The following UTP20 variants were observed in gnomAD, a reference collection of about 807,000 sequenced individuals.
UTP20 encodes the protein UTP20 small subunit processome component.
In UTP20, 164 loss-of-function variants were observed where a neutral mutation model predicts 329.5. The observed-to-expected ratio is 0.50, with a 90% CI of 0.44 to 0.57. UTP20 has a LOEUF of 0.57. Among genes scored for constraint, UTP20 ranks in the 20% least tolerant of loss-of-function variants. The pLI is 0.00. For missense variants in UTP20, 3,055 were observed against 3,284.2 expected, an observed-to-expected ratio of 0.93 and a Z score of 1.71; for synonymous variants, 1,151 against 1,159.3, an observed-to-expected ratio of 0.99 and a Z score of 0.14.
chr12:101,353,237 A>G (rs1215355413), intron 40 of UTP20, 108 bp downstream of exon 40: 1 of 633,508 alleles, frequency 1.6e-6, no homozygotes, highest in Non-Finnish European at 2.6e-6. Flanking sequence ...GTCTGCTCTT[A>G]CTAGCAATGG....
At chr12:101,375,001 C>A in intron 55 of UTP20, 62 bp downstream of exon 55, 1 of 1,227,758 alleles carries the variant, frequency 8.1e-7, no homozygotes, top group Non-Finnish European at 1.2e-6. Context: ...GGTGATGTAG[C>A]TAACAGATTA....
chr12:101,305,258 A>T (rs1284436446), intron 15 of UTP20, among the ~76,000 whole-genome samples: 1 of 151,980 alleles, frequency 6.6e-6, no homozygotes, highest in Non-Finnish European at 1.5e-5. Context: ...CCCTACTAGA[A>T]TATAAGTTCC....
intron 57 of UTP20, among the ~76,000 whole-genome samples, chr12:101,380,429 A>G (rs1293497211): frequency 1.3e-5 from 2 of 152,094 alleles, no homozygotes; most frequent in African/African-American, 4.8e-5. Context: ...GGACCATGAT[A>G]TATGTGTCTC....
rs755292222 is a variant in UTP20 at position 101,286,329 on chromosome 12, T to C, written c.335T>C (p.Val112Ala). The C allele has an allele frequency of 5.0e-6, 8 of 1,605,250 alleles. No homozygotes were observed. In the Admixed American group the frequency reaches 1.4e-4, roughly 27 times the overall value. ...FAYQPLLDLV[V>A]QLARDLQMDF... is the part of the protein sequence containing the mutation. Reference sequence around the variant, plus strand: ...TTCTTTTTTTAATCCAGTTTGGTTGTACAGTTGGCACGAGATCTGCAGATG... The same window carrying C: ...TTCTTTTTTTAATCCAGTTTGGTTGCACAGTTGGCACGAGATCTGCAGATG... The change falls in exon 5 of 62, where the codon GTA (valine) becomes GCA (alanine). Residue 112 changes from valine (V) to alanine (A), a missense_variant. By Grantham distance (64) the Val-to-Ala change is moderately conservative (BLOSUM62 0). Transcript: ENST00000261637.
chr12:101,362,269 T>C (rs1565804865), intron 44 of UTP20, among the ~76,000 whole-genome samples: 2 of 152,204 alleles, frequency 1.3e-5, no homozygotes, highest in African/African-American at 4.8e-5. Flanking sequence ...GATATGATCT[T>C]TCCGGAAAGT....
intron 6 of UTP20, 66 bp from the exon 7 acceptor site, chr12:101,290,069 TGA>T: frequency 1.6e-6 from 2 of 1,217,724 alleles, no homozygotes; most frequent in Non-Finnish European, 2.3e-6. Flanking sequence ...GAATAGCAAA[TGA>T]GAGTTCTTCA....
Position 101,342,557 on chromosome 12 carries a change from T to C in UTP20, c.4213T>C (p.Leu1405=). Residue 1405 remains leucine, a synonymous_variant, in exon 33 of 62, where the codon TTG becomes CTG. Transcript: ENST00000261637. The stretch of plus-strand genomic sequence containing the variant: ...ACTTTTCTCAGTTATTAAGAACAAA[T>C]TGTCAAGAAAATTGCTTTGTACGGT... ...AKLFSVIKNK[L]SRKLLCTVFE... 2 of 1,613,390 alleles carry C rather than the reference T, an allele frequency of 1.2e-6. No homozygotes were observed. Among genetic ancestry groups the C allele is most frequent in the African/African-American group, 1.3e-5 (1 of 74,994 alleles).
At position 101,338,156 on chromosome 12, in the gene UTP20, C is replaced by A; in HGVS notation, c.3747C>A (p.Ala1249=). 1 of 1,614,130 alleles carries A rather than the reference C, an allele frequency of 6.2e-7. No individual in the cohort carries two copies. The highest frequency in any genetic ancestry group is 8.5e-7 in the Non-Finnish European group (1 of 1,180,018). ...LSAKNLSDAT[A]SIVMDIVDDL... is the part of the protein sequence containing the mutation. ...CGAAGAATCTTTCTGATGCCACAGC[C>A]AGTATTGTAATGGACATAGTTGATG... Residue 1249 remains alanine, a synonymous_variant, in exon 30 of 62, where the codon GCC becomes GCA. Coordinates refer to ENST00000261637, the MANE Select transcript of UTP20 (RefSeq NM_014503.3).
chr12:101,291,661 A>G (rs1872159274), intron 8 of UTP20, 81 bp from the exon 9 acceptor site: 15 of 1,388,150 alleles, frequency 1.1e-5, no homozygotes, highest in Admixed American at 2.8e-5. Flanking sequence ...GGAAAAGTTG[A>G]ACTGTCCCAC....
intron 54 of UTP20, 61 bp from the exon 55 acceptor site, chr12:101,374,747 A>G: frequency 1.3e-6 from 1 of 792,600 alleles, no homozygotes; most frequent in Non-Finnish European, 2.2e-6. Flanking sequence ...CCTTTATTTT[A>G]CAGTTTCAGT....
Position 101,291,802 on chromosome 12 carries a change from C to T in UTP20, c.952C>T (p.Gln318Ter). The T allele has an allele frequency of 6.2e-7, 1 of 1,612,844 alleles. No homozygotes were observed. The highest frequency in any genetic ancestry group is 8.5e-7 in the Non-Finnish European group (1 of 1,179,592). Residue 318 changes from glutamine to a stop codon, truncating the protein, a stop_gained, in exon 9 of 62, where the codon CAG becomes TAG. Coordinates refer to ENST00000261637, the MANE Select transcript of UTP20 (RefSeq NM_014503.3). LOFTEE classifies it high-confidence loss of function. ...AACTAACTGTTGTGAAAGTTCTGAA[C>T]AGATTAAAAGGTTGTTGGAAACATA... Reference protein sequence around the residue: ...TKTNCCESSEQIKRLLETYLI... With the variant: ...TKTNCCESSE
intron 56 of UTP20, among the ~76,000 whole-genome samples, chr12:101,376,246 T>C (rs1870467198): frequency 6.6e-6 from 1 of 152,228 alleles, no homozygotes; most frequent in Non-Finnish European, 1.5e-5. Flanking sequence ...ATAAGACACC[T>C]AGTAGATATC....
chr12:101,366,777 C>T, intron 47 of UTP20, 78 bp downstream of exon 47: 1 of 1,494,738 alleles, frequency 6.7e-7, no homozygotes, highest in South Asian at 1.3e-5. Flanking sequence ...ATTTCTAGTA[C>T]TGCTCACTTC....
At chr12:101,349,158 T>C (rs1443002396) in intron 38 of UTP20, among the ~76,000 whole-genome samples, 1 of 152,124 alleles carries the variant, frequency 6.6e-6, no homozygotes, top group Non-Finnish European at 1.5e-5. Flanking sequence ...TGGGGTTTTT[T>C]GTTTTTGTTT....
Position 101,344,744 on chromosome 12 carries a change from G to C in UTP20, c.4599G>C (p.Gln1533His), listed in dbSNP as rs754118365. The C allele has an allele frequency of 6.2e-7, 1 of 1,613,578 alleles. No homozygotes were observed. Among genetic ancestry groups the C allele is most frequent in the Non-Finnish European group, 8.5e-7 (1 of 1,179,758 alleles). Reference sequence around the variant, plus strand: ...AATTGAGAAAAGGTCTGAAGAGCCAGACAGAGGTATATAACTTTGTGTTTT... The same window carrying C: ...AATTGAGAAAAGGTCTGAAGAGCCACACAGAGGTATATAACTTTGTGTTTT... ...LEKLRKGLKS[Q>H]TESIQQDYTT... The change falls in exon 36 of 62, where the codon CAG becomes CAC. Residue 1533 changes from glutamine to histidine, a missense_variant. Gln to His is a conservative substitution (Grantham distance 24). This residue lies in a region of UTP20 where 2,445 missense variants were observed against 2,575.5 expected (regional missense o/e 0.95). Transcript: ENST00000261637.
At chr12:101,377,545 T>C (rs1401834919) in intron 56 of UTP20, among the ~76,000 whole-genome samples, 2 of 152,020 alleles carry the variant, frequency 1.3e-5, no homozygotes, top group African/African-American at 4.8e-5. Context: ...TTGGCCAGGA[T>C]GGTCTCCATC....
chr12:101,354,846 A>T lies in UTP20; in HGVS notation c.5122A>T (p.Ile1708Phe). The T allele has an allele frequency of 6.2e-7, 1 of 1,613,342 alleles. No homozygotes were observed. The highest frequency in any genetic ancestry group is 8.5e-7 in the Non-Finnish European group (1 of 1,179,656). The change falls in exon 41 of 62, where the codon ATT becomes TTT. Residue 1708 changes from isoleucine to phenylalanine, a missense_variant. By Grantham distance (21) the Ile-to-Phe change is conservative. This residue lies in a region of UTP20 where 2,445 missense variants were observed against 2,575.5 expected (regional missense o/e 0.95). Coordinates refer to ENST00000261637, the MANE Select transcript of UTP20 (RefSeq NM_014503.3). The stretch of plus-strand genomic sequence containing the variant: ...ATTAAACATAGACGCAATTGAAGCA[A>T]TTGAGTTACCAGAGCCTGAGGCCAT... Reference protein sequence around the residue: ...IENEENAIEAIELPEPEAMEL... With the variant: ...IENEENAIEAFELPEPEAMEL...
At position 101,292,010 on chromosome 12, in the gene UTP20, C is replaced by G. The variant is rs2137235218; in HGVS notation, c.1079C>G (p.Ser360Cys). The change falls in exon 10 of 62, where the codon TCT becomes TGT. Residue 360 changes from serine (S) to cysteine (C), a missense_variant. Coordinates refer to ENST00000261637, the MANE Select transcript of UTP20 (RefSeq NM_014503.3). Reference protein sequence around the residue: ...QTLQVASLSTSCWETLLDVIS... With the variant: ...QTLQVASLSTCCWETLLDVIS... ...CTGCAAGTAGCCAGTCTCTCCACAT[C>G]TTGCTGGGAGACCCTCTTGGATGTA... 2 of 1,614,138 alleles carry G rather than the reference C, an allele frequency of 1.2e-6. No homozygotes were observed. Among genetic ancestry groups the G allele is most frequent in the East Asian group, 4.5e-5 (2 of 44,884 alleles).
Position 101,333,289 on chromosome 12 carries a change from T to G in UTP20, c.3418-12T>G. On this transcript the variant is annotated splice_polypyrimidine_tract_variant and intron_variant, in intron 27 of 61. Coordinates refer to ENST00000261637, the MANE Select transcript of UTP20 (RefSeq NM_014503.3). ...ATATGTATTTTTTGAACAGAAGATC[T>G]TTGTTTTACAGATACAGCTGAGATT... 1 of 1,610,974 alleles carries G rather than the reference T, an allele frequency of 6.2e-7. No individual in the cohort carries two copies. Among genetic ancestry groups the G allele is most frequent in the South Asian group, 1.1e-5 (1 of 90,406 alleles).
Sources: gnomAD v4.1 joint callset for allele counts (sites outside exome capture counted in the v4.1 genomes callset) on GRCh38, gnomAD v4.1.1 for gene constraint, gnomAD v4.1.1 regional missense constraint, MANE v1.5 for transcripts, NCBI Gene and HGNC (gene_info 2026-07-23, HGNC 2026-07-21) for gene names.